The following GABRG3 variants were observed in gnomAD, a reference collection of about 807,000 sequenced individuals.
The protein encoded by GABRG3 is gamma-aminobutyric acid receptor subunit gamma-3.
In GABRG3, 25 loss-of-function variants were observed where a neutral mutation model predicts 48.8. That is an observed-to-expected ratio of 0.51 (90% CI 0.37 to 0.72). The LOEUF (loss-of-function observed/expected upper bound fraction) is 0.72, where lower values mean the gene tolerates loss of function less well. GABRG3 is among the 30% of genes least tolerant of loss of function. The probability of loss-of-function intolerance (pLI) is 0.00; values close to 1 mark genes in which losing one functional copy is unlikely to be tolerated. For missense variants in GABRG3, 394 were observed against 577.9 expected, an observed-to-expected ratio of 0.68 and a Z score of 3.26; for synonymous variants, 227 against 217.6, an observed-to-expected ratio of 1.04 and a Z score of -0.38.
intron 5 of GABRG3, among the ~76,000 whole-genome samples, chr15:27,462,013 G>C (rs1889466102): frequency 6.6e-6 from 1 of 152,170 alleles, no homozygotes; most frequent in Non-Finnish European, 1.5e-5. Flanking sequence ...TTCTTGGCCA[G>C]TTGCTGCTTC....
intron 5 of GABRG3, among the ~76,000 whole-genome samples, chr15:27,369,028 T>C (rs1439379912): frequency 6.6e-6 from 1 of 152,222 alleles, no homozygotes; most frequent in Non-Finnish European, 1.5e-5. Context: ...TTTTGAAAAG[T>C]TTTATATGTT....
intron 5 of GABRG3, among the ~76,000 whole-genome samples, chr15:27,400,548 G>T (rs1422001330): frequency 6.6e-6 from 1 of 152,124 alleles, no homozygotes; most frequent in African/African-American, 2.4e-5. Context: ...TGTTTTAAAT[G>T]ATATTTAAGA....
intron 3 of GABRG3, among the ~76,000 whole-genome samples, chr15:27,060,682 G>A (rs1249517254): frequency 1.3e-5 from 2 of 152,186 alleles, no homozygotes; most frequent in East Asian, 1.9e-4. Flanking sequence ...CAGGAGTCAC[G>A]TCTAAGTGGA....
intron 6 of GABRG3, 150 bp from the exon 7 acceptor site, chr15:27,519,822 C>A (rs140677): frequency 0.58 from 373,445 of 647,560 alleles, 111,254 homozygotes; most frequent in African/African-American, 0.84. Flanking sequence ...TTAAGAAAAC[C>A]AGCATTTTGA....
intron 5 of GABRG3, among the ~76,000 whole-genome samples, chr15:27,330,593 G>A (rs1328316779): frequency 6.6e-6 from 1 of 152,118 alleles, no homozygotes. Context: ...TTCCAGGAGG[G>A]GATTGTGTGC....
chr15:27,271,737 G>A (rs1007300870), intron 3 of GABRG3: 1 of 427,064 alleles, frequency 2.3e-6, no homozygotes, highest in Non-Finnish European at 4.7e-6. Flanking sequence ...AAGAGCCAAT[G>A]CACCTTAGAT....
chr15:27,328,677 A>C (rs1893700214), intron 4 of GABRG3, 129 bp from the exon 5 acceptor site: 1 of 683,772 alleles, frequency 1.5e-6, no homozygotes, highest in East Asian at 2.7e-5. Flanking sequence ...TCCCGGGCCA[A>C]GAGTGAGCCG....
At chr15:27,309,589 A>G (rs1051757623) in intron 3 of GABRG3, among the ~76,000 whole-genome samples, 23 of 152,082 alleles carry the variant, frequency 1.5e-4, no homozygotes, top group Admixed American at 5.9e-4. Context: ...CTTAGCTGTT[A>G]GGGAAATGCA....
At chr15:27,491,387 A>G (rs2150849499) in intron 6 of GABRG3, among the ~76,000 whole-genome samples, 1 of 152,364 alleles carries the variant, frequency 6.6e-6, no homozygotes, top group Non-Finnish European at 1.5e-5. Context: ...CAGGCAGCCC[A>G]GTCCAGTCCT....
intron 6 of GABRG3, among the ~76,000 whole-genome samples, chr15:27,490,193 C>A (rs772975560): frequency 3.3e-5 from 5 of 152,188 alleles, no homozygotes; most frequent in Non-Finnish European, 5.9e-5. Context: ...AGGGGCAGAG[C>A]AGATTGATTT....
chr15:27,011,618 C>A (rs1211872588), intron 2 of GABRG3, among the ~76,000 whole-genome samples: 1 of 152,070 alleles, frequency 6.6e-6, no homozygotes, highest in Non-Finnish European at 1.5e-5. Flanking sequence ...GAGGCTGAGG[C>A]AGGCGGATCA....
chr15:27,078,567 G>A (rs1228369641), intron 3 of GABRG3, among the ~76,000 whole-genome samples: 1 of 152,192 alleles, frequency 6.6e-6, no homozygotes, highest in African/African-American at 2.4e-5. Context: ...CATATGCCAG[G>A]CAAAGGGTAC....
At chr15:27,102,079 C>T (rs1205639534) in intron 3 of GABRG3, among the ~76,000 whole-genome samples, 5 of 152,070 alleles carry the variant, frequency 3.3e-5, no homozygotes, top group Middle Eastern at 3.2e-3. Context: ...AACCAAGCCA[C>T]GCCATCGTGG....
Position 27,027,304 on chromosome 15 carries a change from G to A in GABRG3, c.270+483G>A, listed in dbSNP as rs368527097. ...AGTGAGTGTGGGGGTATTGAAATAC[G>A]TTAGGGTGAGAGCCTTCTGTGGTGG... is the stretch of plus-strand genomic sequence containing the variant. On this transcript the variant is annotated intron_variant, in intron 3 of 9. Transcript: ENST00000615808. Among the ~76,000 whole-genome samples, 4 of 152,334 alleles carry A rather than the reference G, an allele frequency of 2.6e-5. No homozygotes were observed. The South Asian group carries it at 6.2e-4, about 24-fold the overall frequency.
chr15:27,466,631 A>C (rs1034526152), intron 5 of GABRG3, among the ~76,000 whole-genome samples: 5 of 151,902 alleles, frequency 3.3e-5, no homozygotes, highest in African/African-American at 1.2e-4. Context: ...AACAAATATC[A>C]CTCTTCTGTA....
intron 9 of GABRG3, chr15:27,530,912 A>C (rs1026091293): frequency 8.9e-6 from 3 of 335,294 alleles, no homozygotes; most frequent in African/African-American, 2.2e-5. Flanking sequence ...ATAAAGGCAG[A>C]TCTTTCAACC....
chr15:27,014,775 G>C (rs1454280430), intron 2 of GABRG3, among the ~76,000 whole-genome samples: 1 of 152,130 alleles, frequency 6.6e-6, no homozygotes, highest in African/African-American at 2.4e-5. Flanking sequence ...GAATATGTCT[G>C]TTAGGTCCAG....
At chr15:27,208,850 A>G (rs1352232625) in intron 3 of GABRG3, among the ~76,000 whole-genome samples, 1 of 152,244 alleles carries the variant, frequency 6.6e-6, no homozygotes, top group African/African-American at 2.4e-5. Context: ...TACGGATTCT[A>G]TGCAAAGAAA....
chr15:27,116,479 AT>A (rs1897643718), intron 3 of GABRG3, among the ~76,000 whole-genome samples: 1 of 152,216 alleles, frequency 6.6e-6, no homozygotes, highest in African/African-American at 2.4e-5. Flanking sequence ...TCCAAGGCAA[AT>A]TGCCAGGAAT....
Sources: allele counts gnomAD v4.1 joint callset (sites outside exome capture counted in the v4.1 genomes callset), GRCh38; gene constraint gnomAD v4.1.1; transcripts MANE v1.5; gene names NCBI Gene and HGNC (gene_info 2026-07-23, HGNC 2026-07-21).